ALK: variants seen among roughly 807,000 people sequenced by gnomAD.
The protein encoded by ALK is ALK tyrosine kinase receptor.
In ALK, 74 loss-of-function variants were observed where a neutral mutation model predicts 163.1. The observed-to-expected ratio is 0.45, with a 90% CI of 0.38 to 0.55. The LOEUF is 0.55. ALK is among the 20% of genes least tolerant of loss of function. ALK has a pLI of 0.00. For missense variants in ALK, 2,063 were observed against 2,105.3 expected (o/e 0.98, Z 0.39); for synonymous variants, 960 against 843.2 (o/e 1.14, Z -2.40).
At chr2:29,379,530 C>T (rs996042124) in intron 5 of ALK, among the ~76,000 whole-genome samples, 6 of 152,098 alleles carry the variant, frequency 3.9e-5, no homozygotes, top group Non-Finnish European at 7.4e-5. Flanking sequence ...TATAAAACAC[C>T]TACTAAATTT....
rs78743034 is a variant in ALK, at chr2:29,548,076, T to G, written c.953-15960A>C. Among the ~76,000 whole-genome samples the G allele has an allele frequency of 3.6e-3, 553 of 152,306 alleles. 1 individual carries two copies. The highest frequency in any genetic ancestry group is 0.013 in the African/African-American group (533 of 41,556). ...GGGAAAGTTTCCCCTTTCTGCTTCT[T>G]TCTTCTTTTTCTTGCCTAGAATATG... On this transcript the variant is annotated intron_variant, in intron 3 of 28. Coordinates refer to ENST00000389048, the MANE Select transcript of ALK (RefSeq NM_004304.5).
At chr2:29,504,980 A>G (rs552094628) in intron 4 of ALK, among the ~76,000 whole-genome samples, 6 of 152,224 alleles carry the variant, frequency 3.9e-5, no homozygotes, top group African/African-American at 9.6e-5. Flanking sequence ...GTGAGCAAGC[A>G]AGGATGAGGG....
Position 29,721,161 on chromosome 2 carries a change from T to G in ALK, c.668-3464A>C, listed in dbSNP as rs149664005. Among the ~76,000 whole-genome samples, 1,181 of 152,350 alleles carry G rather than the reference T, an allele frequency of 7.8e-3. 9 individuals carry two copies. Among genetic ancestry groups the G allele is most frequent in the Middle Eastern group, 0.014 (4 of 294 alleles). ...GATTTCTTAAGCCCTTTCTAGGCAC[T>G]GCAGGGTATCAAGGCAGAGTGAAAA... is the stretch of plus-strand genomic sequence containing the variant. On this transcript the variant is annotated intron_variant, in intron 1 of 28. Coordinates refer to ENST00000389048, the MANE Select transcript of ALK (RefSeq NM_004304.5).
intron 1 of ALK, among the ~76,000 whole-genome samples, chr2:29,868,195 T>C (rs1666489359): frequency 6.6e-6 from 1 of 152,230 alleles, no homozygotes; most frequent in African/African-American, 2.4e-5. Context: ...GTTTTCTCTC[T>C]GGCCTTCCAA....
At chr2:29,542,911 C>T (rs1673451116) in intron 3 of ALK, among the ~76,000 whole-genome samples, 2 of 151,960 alleles carry the variant, frequency 1.3e-5, no homozygotes, top group Admixed American at 1.3e-4. Context: ...ATTTAATTAC[C>T]CCATGCTTAA....
chr2:29,513,747 T>A (rs1336014951), intron 4 of ALK, among the ~76,000 whole-genome samples: 1 of 148,216 alleles, frequency 6.7e-6, no homozygotes, highest in African/African-American at 2.5e-5. Context: ...CACAACCTAC[T>A]CATCTGACAA....
chr2:29,442,855 T>G (rs547122066), intron 4 of ALK, among the ~76,000 whole-genome samples: 2 of 152,324 alleles, frequency 1.3e-5, no homozygotes, highest in Non-Finnish European at 2.9e-5. Flanking sequence ...AACATAGTGT[T>G]AGACAAATGA....
intron 4 of ALK, among the ~76,000 whole-genome samples, chr2:29,418,014 T>A (rs1248025991): frequency 2.0e-5 from 3 of 152,214 alleles, no homozygotes; most frequent in Admixed American, 1.3e-4. Context: ...TTCACACCCC[T>A]GGGGCATGGC....
chr2:29,828,619 T>C (rs1411718885), intron 1 of ALK, among the ~76,000 whole-genome samples: 2 of 152,196 alleles, frequency 1.3e-5, no homozygotes, highest in East Asian at 1.9e-4. Context: ...TGAGATACCA[T>C]CTCACACCTG....
At chr2:29,707,011 G>GTGTA (rs1678930489) in intron 2 of ALK, among the ~76,000 whole-genome samples, 1 of 150,784 alleles carries the variant, frequency 6.6e-6, no homozygotes, top group Non-Finnish European at 1.5e-5. Flanking sequence ...GTGTGTGTGT[G>GTGTA]TGTGTGTGTG....
At chr2:29,895,707 C>T (rs911239958) in intron 1 of ALK, among the ~76,000 whole-genome samples, 45 of 152,176 alleles carry the variant, frequency 3.0e-4, no homozygotes, top group African/African-American at 1.0e-3. Flanking sequence ...TTCAGGAGAT[C>T]CCTAGCCATC....
chr2:29,745,286 T>C (rs1157125954), intron 1 of ALK, among the ~76,000 whole-genome samples: 1 of 152,198 alleles, frequency 6.6e-6, no homozygotes, highest in East Asian at 1.9e-4. Flanking sequence ...GTAGATTTTA[T>C]CCCAGATCTG....
chr2:29,354,468 C>A (rs1668193619), intron 5 of ALK, among the ~76,000 whole-genome samples: 1 of 152,180 alleles, frequency 6.6e-6, no homozygotes, highest in South Asian at 2.1e-4. Context: ...GGGGCCAAGG[C>A]AGCCCTTCTG....
chr2:29,275,489 G>C lies in ALK; in HGVS notation c.1825C>G (p.Leu609Val), dbSNP rs1665518534. The change falls in exon 10 of 29, where the codon CTG (leucine) becomes GTG (valine). Residue 609 changes from leucine (L) to valine (V), a missense_variant. Physicochemically the swap from Leu to Val is conservative, Grantham distance 32. This residue lies in a region of ALK where 987 missense variants were observed against 939.5 expected (regional missense o/e 1.05). Transcript: ENST00000389048. ...PLLDVSDRFWLQMVAWWGQGS... is the reference protein window; with the variant it reads ...PLLDVSDRFWVQMVAWWGQGS... ...TGTCCCCACCATGCGACCATCTGCA[G>C]CCAGAACCTGTACACATCAAGAGGA... 1.4e-5 allele frequency: 22 copies of C among 1,614,088 alleles called. No homozygotes were observed. Among genetic ancestry groups the C allele is most frequent in the Non-Finnish European group, 1.8e-5 (21 of 1,179,982 alleles).
chr2:29,915,975 T>C (rs993816933), intron 1 of ALK, among the ~76,000 whole-genome samples: 1 of 152,260 alleles, frequency 6.6e-6, no homozygotes, highest in Admixed American at 6.5e-5. Flanking sequence ...AAGATGTATA[T>C]GCAATTCTTT....
chr2:29,488,814 C>T (rs900583951), intron 4 of ALK, among the ~76,000 whole-genome samples: 9 of 152,120 alleles, frequency 5.9e-5, no homozygotes, highest in South Asian at 2.1e-4. Flanking sequence ...TATCACGGCC[C>T]GGTCTTCCTC....
At chr2:29,479,471 G>T (rs1671608839) in intron 4 of ALK, among the ~76,000 whole-genome samples, 1 of 152,156 alleles carries the variant, frequency 6.6e-6, no homozygotes, top group South Asian at 2.1e-4. Context: ...AGGGTGTTTT[G>T]CTCTAGAAAG....
chr2:29,223,994 A>C (rs1663832345), intron 19 of ALK: 1 of 301,222 alleles, frequency 3.3e-6, no homozygotes, highest in South Asian at 6.3e-5. Flanking sequence ...CATGGAGCCT[A>C]AGGAAGTTTC....
chr2:29,194,336 G>A (rs1668969465), intron 28 of ALK, among the ~76,000 whole-genome samples: 1 of 152,030 alleles, frequency 6.6e-6, no homozygotes, highest in Non-Finnish European at 1.5e-5. Flanking sequence ...AAGAGTGATG[G>A]TGGGGGGCTG....
Sources: gnomAD v4.1 joint callset for allele counts (sites outside exome capture counted in the v4.1 genomes callset) on GRCh38, gnomAD v4.1.1 for gene constraint, gnomAD v4.1.1 regional missense constraint, MANE v1.5 for transcripts, NCBI Gene and HGNC (gene_info 2026-07-23, HGNC 2026-07-21) for gene names.